The following AOPEP variants were observed in gnomAD, a reference collection of about 807,000 sequenced individuals.
The protein encoded by AOPEP is aminopeptidase O (putative).
In AOPEP, 77 loss-of-function variants were observed where a neutral mutation model predicts 98.1. The observed-to-expected ratio is 0.78, with a 90% confidence interval of 0.65 to 0.95. The LOEUF is 0.95. Ranked by LOEUF, AOPEP falls within the 40% of genes least tolerant of loss-of-function variation. The pLI is 0.00. For missense variants in AOPEP, 1,024 were observed against 1,024.7 expected, an observed-to-expected ratio of 1.00 and a Z score of 0.01; for synonymous variants, 346 against 365.3, an observed-to-expected ratio of 0.95 and a Z score of 0.60.
chr9:95,092,684 G>A, the AOPEP span, among the ~76,000 whole-genome samples: 1 of 152,210 alleles, frequency 6.6e-6, no homozygotes, highest in African/African-American at 2.4e-5. Context: ...TGTGGGTGGG[G>A]TGCTGAAGCT....
chr9:94,741,307 C>G (rs1255835487), intron 1 of AOPEP, among the ~76,000 whole-genome samples: 1 of 151,420 alleles, frequency 6.6e-6, no homozygotes, highest in East Asian at 1.9e-4. Context: ...GAGTCTTGCT[C>G]TGTCGCCCAG....
intron 7 of AOPEP, among the ~76,000 whole-genome samples, chr9:94,940,174 A>G (rs781670086): frequency 6.6e-6 from 1 of 152,214 alleles, no homozygotes; most frequent in Non-Finnish European, 1.5e-5. Context: ...CCTTAGCTGT[A>G]AAACAGGGAT....
intron 14 of AOPEP, among the ~76,000 whole-genome samples, chr9:95,077,185 G>GT (rs1390370319): frequency 6.6e-6 from 1 of 152,162 alleles, no homozygotes; most frequent in Non-Finnish European, 1.5e-5. Flanking sequence ...CAGGTTATGT[G>GT]TTTCTCCTGC....
chr9:95,142,221 G>A, the AOPEP span, among the ~76,000 whole-genome samples: 1 of 151,956 alleles, frequency 6.6e-6, no homozygotes, highest in Admixed American at 6.6e-5. Context: ...TTAAATTCCT[G>A]ACCTCAGGTG....
At chr9:94,893,035 T>C (rs1452795022) in intron 5 of AOPEP, among the ~76,000 whole-genome samples, 1 of 152,230 alleles carries the variant, frequency 6.6e-6, no homozygotes, top group Non-Finnish European at 1.5e-5. Flanking sequence ...CTCTGCTTTG[T>C]ATAATCAAAT....
chr9:94,965,899 T>C lies in AOPEP; in HGVS notation c.1873-1859T>C, dbSNP rs566147602. On this transcript the variant is annotated intron_variant, in intron 9 of 16. Transcript: ENST00000375315. ...GTCTGTATTTGCAGACTTGGTTCTA[T>C]TGGGAGGCTTCGGTCTGCAGTTAAC... Among the ~76,000 whole-genome samples the C allele has an allele frequency of 5.3e-5, 8 of 151,038 alleles. No individual in the cohort carries two copies. In the South Asian group the frequency reaches 1.7e-3, roughly 32 times the overall value.
rs149502998 is a variant in AOPEP at position 94,752,505 on chromosome 9, A to T, written c.-135-7144A>T. On this transcript the variant is annotated intron_variant, in intron 1 of 16. Coordinates refer to ENST00000375315, the MANE Select transcript of AOPEP (RefSeq NM_001193329.3). ...GGTTACAGTGGAATCTTGTATTCAA[A>T]GTGTTAATTAAAAATAACTATCAAC... 2.8e-3 allele frequency among the ~76,000 whole-genome samples: 422 copies of T among 152,330 alleles called. 6 individuals carry two copies. The highest frequency in any genetic ancestry group is 9.6e-3 in the African/African-American group (397 of 41,562).
At chr9:94,940,867 G>T (rs1008359600) in intron 7 of AOPEP, among the ~76,000 whole-genome samples, 1 of 151,914 alleles carries the variant, frequency 6.6e-6, no homozygotes, top group African/African-American at 2.4e-5. Context: ...CCTTCCCTGG[G>T]GACCACACAA....
rs578226713 is a variant in AOPEP, at chr9:95,066,188, C to T, written c.2232+5378C>T. On this transcript the variant is annotated intron_variant, in intron 14 of 16. Coordinates refer to ENST00000375315, the MANE Select transcript of AOPEP (RefSeq NM_001193329.3). ...CATTTAATCGATGTTTCAGAACATT[C>T]TTTCAAAGTCAGGACGGTCTGTCTC... is the stretch of plus-strand genomic sequence containing the variant. 4.6e-3 allele frequency among the ~76,000 whole-genome samples: 697 copies of T among 152,260 alleles called. 5 individuals carry two copies. The highest frequency in any genetic ancestry group is 6.9e-3 in the Non-Finnish European group (472 of 68,014).
intron 13 of AOPEP, among the ~76,000 whole-genome samples, chr9:95,057,090 G>A (rs1281651123): frequency 6.6e-6 from 1 of 152,198 alleles, no homozygotes. Flanking sequence ...TGTGAGCACT[G>A]TTGGGCCCCC....
At chr9:95,101,258 AGATCCCT>A in the AOPEP span, 1 of 292,936 alleles carries the variant, frequency 3.4e-6, no homozygotes, top group Non-Finnish European at 6.5e-6. Context: ...GCTTTATCCC[AGATCCCT>A]GACTCCTAAA....
the AOPEP span, among the ~76,000 whole-genome samples, chr9:95,143,833 C>T: frequency 1.3e-5 from 2 of 152,184 alleles, no homozygotes; most frequent in African/African-American, 2.4e-5. Flanking sequence ...GTGCCTATGA[C>T]GGCAGCCCCA....
chr9:94,799,806 G>C (rs1184405832), intron 4 of AOPEP, among the ~76,000 whole-genome samples: 1 of 151,600 alleles, frequency 6.6e-6, no homozygotes, highest in East Asian at 1.9e-4. Flanking sequence ...AAGTTGCAGT[G>C]AGCTTAAATC....
intron 5 of AOPEP, among the ~76,000 whole-genome samples, chr9:94,902,984 A>ATT (rs879625989): frequency 2.6e-4 from 13 of 50,044 alleles, no homozygotes; most frequent in Non-Finnish European, 2.6e-4. Flanking sequence ...AACCCGAAAG[A>ATT]TTTTTTTTTT....
intron 5 of AOPEP, among the ~76,000 whole-genome samples, chr9:94,835,015 G>A (rs2041409570): frequency 6.6e-6 from 1 of 152,178 alleles, no homozygotes; most frequent in African/African-American, 2.4e-5. Context: ...GGGTACCTGA[G>A]AAAGGAAGAG....
chr9:94,878,593 AG>A (rs1372022039), intron 5 of AOPEP, among the ~76,000 whole-genome samples: 2 of 152,182 alleles, frequency 1.3e-5, no homozygotes, highest in Non-Finnish European at 1.5e-5. Flanking sequence ...ATCAGAGTTT[AG>A]GAGAGTGGAA....
intron 5 of AOPEP, among the ~76,000 whole-genome samples, chr9:94,867,179 T>C (rs1424523523): frequency 6.6e-6 from 1 of 152,244 alleles, no homozygotes; most frequent in Non-Finnish European, 1.5e-5. Context: ...ATCAAGTTTA[T>C]AAAGCTTTTC....
intron 5 of AOPEP, among the ~76,000 whole-genome samples, chr9:94,905,548 A>AT (rs112128380): frequency 1.3e-3 from 192 of 151,388 alleles, no homozygotes; most frequent in African/African-American, 3.4e-3. Flanking sequence ...TTCTTCTGTC[A>AT]TTTTTTTTTG....
In AOPEP at chr9:94,784,728, G is replaced by C. The variant is rs566021145; in HGVS notation, c.965-8037G>C. 1.8e-4 allele frequency among the ~76,000 whole-genome samples: 27 copies of C among 152,284 alleles called. No homozygotes were observed. The South Asian group carries it at 5.4e-3, about 30-fold the overall frequency. On this transcript the variant is annotated intron_variant, in intron 3 of 16. Transcript: ENST00000375315. The stretch of plus-strand genomic sequence containing the variant: ...CCTCTTGGGTTCAAGTGATTCTCCT[G>C]CTTCAGCCTCCTGAGTAGCTAGGAT...
Sources: gnomAD v4.1 joint callset for allele counts (sites outside exome capture counted in the v4.1 genomes callset) on GRCh38, gnomAD v4.1.1 for gene constraint, MANE v1.5 for transcripts, NCBI Gene and HGNC (gene_info 2026-07-23, HGNC 2026-07-21) for gene names.